Variants in CHRM3 observed in about 807,000 individuals in gnomAD.
The protein encoded by CHRM3 is muscarinic acetylcholine receptor M3.
In CHRM3, 11 loss-of-function variants were observed where a neutral mutation model predicts 41.8. The ratio of observed to expected loss-of-function variants is 0.26; its 90% CI spans 0.17 to 0.44. The LOEUF is 0.44. Ranked by LOEUF, CHRM3 falls within the 20% of genes least tolerant of loss-of-function variation. The pLI is 1.00. For synonymous variants in CHRM3, 297 were observed against 301.4 expected, an observed-to-expected ratio of 0.99 and a Z score of 0.15; for missense variants, 571 against 745.4, an observed-to-expected ratio of 0.77 and a Z score of 2.72.
intron 1 of CHRM3, among the ~76,000 whole-genome samples, chr1:239,463,964 C>T (rs1665538424): frequency 6.6e-6 from 1 of 152,128 alleles, no homozygotes; most frequent in Non-Finnish European, 1.5e-5. Flanking sequence ...ATTACTTCCA[C>T]AGTGACTCAG....
chr1:239,750,722 A>G (rs1665738510), intron 5 of CHRM3, among the ~76,000 whole-genome samples: 1 of 152,168 alleles, frequency 6.6e-6, no homozygotes, highest in South Asian at 2.1e-4. Context: ...TCTGAACCTC[A>G]CTTCCATTTT....
At chr1:239,629,584 T>C (rs551088752) in intron 3 of CHRM3, 2 of 152,352 alleles carry the variant, frequency 1.3e-5, no homozygotes, top group South Asian at 2.1e-4. Flanking sequence ...GCACATCTAA[T>C]TGATGACAAT....
intron 2 of CHRM3, among the ~76,000 whole-genome samples, chr1:239,527,276 A>T (rs1670058896): frequency 1.3e-5 from 2 of 152,222 alleles, no homozygotes; most frequent in African/African-American, 2.4e-5. Flanking sequence ...GCCAAGGTTC[A>T]AGAAATGACA....
intron 3 of CHRM3, among the ~76,000 whole-genome samples, chr1:239,627,909 G>A (rs1337332335): frequency 3.3e-5 from 5 of 149,936 alleles, no homozygotes; most frequent in South Asian, 2.1e-4. Context: ...AGGGTAACCC[G>A]ACCATTCTCT....
chr1:239,742,423 A>T (rs1664939458), intron 5 of CHRM3, among the ~76,000 whole-genome samples: 1 of 152,132 alleles, frequency 6.6e-6, no homozygotes, highest in Non-Finnish European at 1.5e-5. Flanking sequence ...TTCATTCACA[A>T]GTAGGGTGGC....
chr1:239,614,175 A>G (rs1667374910), intron 3 of CHRM3, among the ~76,000 whole-genome samples: 1 of 152,064 alleles, frequency 6.6e-6, no homozygotes, highest in Admixed American at 6.6e-5. Context: ...TCTAATAATA[A>G]TGATAATAAT....
chr1:239,687,544 C>A (rs1659262703), intron 5 of CHRM3, among the ~76,000 whole-genome samples: 1 of 151,986 alleles, frequency 6.6e-6, no homozygotes, highest in African/African-American at 2.4e-5. Flanking sequence ...AACAAATTTG[C>A]CATATGTACA....
At chr1:239,450,645 A>G (rs1664493442) in intron 1 of CHRM3, among the ~76,000 whole-genome samples, 1 of 152,196 alleles carries the variant, frequency 6.6e-6, no homozygotes, top group Non-Finnish European at 1.5e-5. Flanking sequence ...ACAAATTCCT[A>G]GAAGAATTCC....
intron 5 of CHRM3, among the ~76,000 whole-genome samples, chr1:239,702,550 G>T (rs77968483): frequency 0.06 from 9,068 of 152,258 alleles, 282 homozygotes; most frequent in African/African-American, 0.076. Flanking sequence ...GAAAGTTTCT[G>T]TCTGGCATAT....
At chr1:239,695,769 T>C (rs1191045113) in intron 5 of CHRM3, among the ~76,000 whole-genome samples, 1 of 152,194 alleles carries the variant, frequency 6.6e-6, no homozygotes, top group Non-Finnish European at 1.5e-5. Context: ...AAAAAAATTT[T>C]CATTAGTTTT....
At chr1:239,725,991 A>G (rs1394105024) in intron 5 of CHRM3, among the ~76,000 whole-genome samples, 1 of 151,970 alleles carries the variant, frequency 6.6e-6, no homozygotes. Flanking sequence ...GATCAGAAAA[A>G]TCACAACCCT....
chr1:239,636,014 C>A (rs1398161739), intron 4 of CHRM3, among the ~76,000 whole-genome samples: 4 of 152,100 alleles, frequency 2.6e-5, no homozygotes, highest in African/African-American at 9.7e-5. Context: ...GAAGGACAGA[C>A]AGTGGTATAA....
At chr1:239,767,966 A>C (rs752033536) in intron 5 of CHRM3, among the ~76,000 whole-genome samples, 7 of 152,144 alleles carry the variant, frequency 4.6e-5, no homozygotes, top group Non-Finnish European at 7.3e-5. Context: ...GGGTGATTTC[A>C]ATGCTACTGG....
intron 2 of CHRM3, among the ~76,000 whole-genome samples, chr1:239,515,460 A>G (rs985914148): frequency 6.7e-6 from 1 of 150,038 alleles, no homozygotes; most frequent in Non-Finnish European, 1.5e-5. Context: ...AGGGGAATAT[A>G]TATTATCTAA....
chr1:239,821,527 G>A (rs1672046445), intron 5 of CHRM3, among the ~76,000 whole-genome samples: 1 of 152,146 alleles, frequency 6.6e-6, no homozygotes, highest in Non-Finnish European at 1.5e-5. Context: ...ACTCAGTGCT[G>A]GCTGGGAAAT....
At position 239,873,514 on chromosome 1, in the gene CHRM3, C is replaced by A. The variant is rs146878841; in HGVS notation, c.-19-33919C>A. Among the ~76,000 whole-genome samples, 207 of 152,064 alleles carry A rather than the reference C, an allele frequency of 1.4e-3. 2 individuals carry two copies. Among genetic ancestry groups the A allele is most frequent in the African/African-American group, 4.8e-3 (201 of 41,464 alleles). ...CCTAGCCACCCACCCCCTGACAGGC[C>A]CCAGTGTGTGATGTTCCCCTCCCTA... On this transcript the variant is annotated intron_variant, in intron 6 of 6. Transcript: ENST00000676153.
chr1:239,483,184 C>G (rs1666972386), intron 1 of CHRM3, among the ~76,000 whole-genome samples: 1 of 152,174 alleles, frequency 6.6e-6, no homozygotes, highest in African/African-American at 2.4e-5. Context: ...CACATTCTTT[C>G]TACATTTTCT....
chr1:239,398,045 T>C (rs1482540651), intron 1 of CHRM3, among the ~76,000 whole-genome samples: 1 of 152,070 alleles, frequency 6.6e-6, no homozygotes, highest in Non-Finnish European at 1.5e-5. Context: ...AGTTCTGTTG[T>C]GGAACTCGGG....
At chr1:239,490,715 C>A (rs1215585914) in intron 1 of CHRM3, among the ~76,000 whole-genome samples, 1 of 152,066 alleles carries the variant, frequency 6.6e-6, no homozygotes, top group Non-Finnish European at 1.5e-5. Context: ...GCATGTACCA[C>A]CAAGCTCAGT....
Sources: allele counts gnomAD v4.1 joint callset (sites outside exome capture counted in the v4.1 genomes callset), GRCh38; gene constraint gnomAD v4.1.1; transcripts MANE v1.5; gene names NCBI Gene and HGNC (gene_info 2026-07-23, HGNC 2026-07-21).